TIPARP: variants seen among roughly 807,000 people sequenced by gnomAD.
TIPARP encodes protein mono-ADP-ribosyltransferase TIPARP.
In TIPARP, 12 loss-of-function variants were observed where a neutral mutation model predicts 56.5. That is an observed-to-expected ratio of 0.21 (90% CI 0.14 to 0.34). The LOEUF is 0.34. Ranked by LOEUF, TIPARP falls within the 10% of genes least tolerant of loss-of-function variation. The probability of loss-of-function intolerance (pLI) is 1.00; values close to 1 mark genes in which losing one functional copy is unlikely to be tolerated. For missense variants in TIPARP, 604 were observed against 781.6 expected, an observed-to-expected ratio of 0.77 and a Z score of 2.71; for synonymous variants, 296 against 265.7, an observed-to-expected ratio of 1.11 and a Z score of -1.11.
intron 2 of TIPARP, among the ~76,000 whole-genome samples, chr3:156,690,212 A>T (rs182447289): frequency 1.4e-3 from 218 of 152,184 alleles, no homozygotes; most frequent in Middle Eastern, 6.8e-3. Context: ...TCGTGTTCTT[A>T]CTATTTTCTG....
chr3:156,689,400 A>C (rs1272989554), intron 2 of TIPARP, among the ~76,000 whole-genome samples: 1 of 152,200 alleles, frequency 6.6e-6, no homozygotes, highest in Non-Finnish European at 1.5e-5. Context: ...TCTCTTGTGC[A>C]GTTCTAATAA....
intron 4 of TIPARP, among the ~76,000 whole-genome samples, chr3:156,701,006 C>T (rs1456626558): frequency 6.6e-6 from 1 of 152,192 alleles, no homozygotes. Flanking sequence ...TTTGTAACTG[C>T]GCTTGAAACA....
Position 156,704,688 on chromosome 3 carries a change from A to G in TIPARP, c.1531A>G (p.Lys511Glu). Residue 511 changes from lysine to glutamate, a missense_variant, in exon 6 of 6, where the codon AAG becomes GAG. Lys to Glu is a moderately conservative substitution (Grantham distance 56). Coordinates refer to ENST00000295924, the MANE Select transcript of TIPARP (RefSeq NM_015508.5). ...QFLWEKYKRK[K>E]EYMNRKMFGR... ...TCTGTCTGTTCTTTCCATTAGGAAA[A>G]AGGAATATATGAACAGGAAAATGTT... 6.2e-7 allele frequency: 1 copy of G among 1,610,662 alleles called. No individual in the cohort carries two copies. Among genetic ancestry groups the G allele is most frequent in the Non-Finnish European group, 8.5e-7 (1 of 1,177,884 alleles).
At chr3:156,681,122 C>T (rs771128944) in intron 2 of TIPARP, 1 of 456,370 alleles carries the variant, frequency 2.2e-6, no homozygotes, top group South Asian at 1.5e-5. Context: ...TGTTTCCTGG[C>T]AACAAGATGC....
chr3:156,676,380 C>T (rs1316248507), intron 1 of TIPARP, among the ~76,000 whole-genome samples: 2 of 152,232 alleles, frequency 1.3e-5, no homozygotes, highest in Admixed American at 1.3e-4. Flanking sequence ...ACTTCTTACA[C>T]ATAGATTTAT....
rs540990540 is a variant in TIPARP at position 156,692,747 on chromosome 3, T to C, written c.918-1273T>C. 3.3e-5 allele frequency among the ~76,000 whole-genome samples: 5 copies of C among 152,306 alleles called. No homozygotes were observed. In the East Asian group the frequency reaches 9.6e-4, roughly 29 times the overall value. ...TTGTATAATCTGTTTTTCAAATATT[T>C]GTCTGCAGAATCTTTTGTGCACAGA... is the stretch of plus-strand genomic sequence containing the variant. On this transcript the variant is annotated intron_variant, in intron 2 of 5. Coordinates refer to ENST00000295924, the MANE Select transcript of TIPARP (RefSeq NM_015508.5).
chr3:156,675,807 C>T (rs532051314), intron 1 of TIPARP: 1 of 152,260 alleles, frequency 6.6e-6, no homozygotes, highest in African/African-American at 2.4e-5. Flanking sequence ...TGTCGCCTGC[C>T]GCTGGAGACC....
intron 4 of TIPARP, among the ~76,000 whole-genome samples, chr3:156,702,940 G>GT (rs1722887379): frequency 6.6e-6 from 1 of 152,114 alleles, no homozygotes; most frequent in Non-Finnish European, 1.5e-5. Context: ...ATTTTTGTTT[G>GT]TTTTTATACA....
chr3:156,676,807 A>G (rs915955215), intron 1 of TIPARP: 1 of 148,922 alleles, frequency 6.7e-6, no homozygotes, highest in African/African-American at 2.5e-5. Context: ...TGTGTTTTAT[A>G]TTTTTTTTTT....
Position 156,704,895 on chromosome 3 carries a change from T to G in TIPARP, c.1738T>G (p.Ser580Ala). The G allele has an allele frequency of 6.2e-7, 1 of 1,614,186 alleles. No homozygotes were observed. Among genetic ancestry groups the G allele is most frequent in the Non-Finnish European group, 8.5e-7 (1 of 1,180,034 alleles). The stretch of plus-strand genomic sequence containing the variant: ...CTCTCATAACTTTTCTAAGAAGTCC[T>G]CCAAAGGAGTCCACTTCATGTTTCT... ...SYSHNFSKKSSKGVHFMFLAK... is the reference protein window; with the variant it reads ...SYSHNFSKKSAKGVHFMFLAK... The change falls in exon 6 of 6, where the codon TCC becomes GCC. Residue 580 changes from serine to alanine, a missense_variant. By Grantham distance (99) the Ser-to-Ala change is moderately conservative. Around this residue, in one of 4 missense-constraint regions of TIPARP, gnomAD observed 77 missense variants for 161.0 expected, o/e 0.48. Transcript: ENST00000295924.
intron 5 of TIPARP, 56 bp from the exon 6 acceptor site, chr3:156,704,628 T>G (rs999384259): frequency 2.0e-6 from 3 of 1,538,094 alleles, no homozygotes; most frequent in Non-Finnish European, 2.6e-6. Flanking sequence ...ACATCATGCC[T>G]GTTAAATTGA....
At chr3:156,679,437 CAT>C (rs1722235602) in intron 2 of TIPARP, among the ~76,000 whole-genome samples, 1 of 152,142 alleles carries the variant, frequency 6.6e-6, no homozygotes, top group Non-Finnish European at 1.5e-5. Flanking sequence ...ATAGTTGCCT[CAT>C]GTAAAGTTGC....
chr3:156,694,127 T>C lies in TIPARP; in HGVS notation c.1025T>C (p.Ile342Thr). Residue 342 changes from isoleucine (I) to threonine (T), a missense_variant, in exon 3 of 6, where the codon ATT becomes ACT. Ile to Thr is a moderately conservative substitution (Grantham distance 89). Around this residue, in one of 4 missense-constraint regions of TIPARP, gnomAD observed 252 missense variants for 303.9 expected, o/e 0.83. Coordinates refer to ENST00000295924, the MANE Select transcript of TIPARP (RefSeq NM_015508.5). ...STPPSSNVNS[I>T]YHTVWKFFCR... is the part of the protein sequence containing the mutation. ...CCACCCTCTAGCAATGTCAACTCTATTTACCACACAGTCTGGAAATTCTTC... is the reference window on the plus strand; with the variant it reads ...CCACCCTCTAGCAATGTCAACTCTACTTACCACACAGTCTGGAAATTCTTC... The C allele has an allele frequency of 6.2e-7, 1 of 1,613,476 alleles. No homozygotes were observed. The highest frequency in any genetic ancestry group is 8.5e-7 in the Non-Finnish European group (1 of 1,179,664).
In TIPARP at chr3:156,685,685, T is replaced by G. The variant is rs145798934; in HGVS notation, c.917+7071T>G. Among the ~76,000 whole-genome samples, 23 of 152,368 alleles carry G rather than the reference T, an allele frequency of 1.5e-4. No homozygotes were observed. The East Asian group carries it at 4.2e-3, about 28-fold the overall frequency. Reference sequence around the variant, plus strand: ...GAATTTCTCTTTATTACATTAGCTTTTCTTTTTGAATTAATTGAAGAATTC... The same window carrying G: ...GAATTTCTCTTTATTACATTAGCTTGTCTTTTTGAATTAATTGAAGAATTC... On this transcript the variant is annotated intron_variant, in intron 2 of 5. Transcript: ENST00000295924.
In TIPARP at chr3:156,704,831, G is replaced by A. The variant is rs1242403472; in HGVS notation, c.1674G>A (p.Met558Ile). ...DPRVCGKHATMFGQGSYFAKK... is the reference protein window; with the variant it reads ...DPRVCGKHATIFGQGSYFAKK... ...GAGTCTGTGGAAAGCATGCTACAAT[G>A]TTTGGACAAGGCAGTTATTTTGCAA... Residue 558 changes from methionine to isoleucine, a missense_variant, in exon 6 of 6, where the codon ATG (methionine) becomes ATA (isoleucine). This residue lies in a region of TIPARP where 77 missense variants were observed against 161.0 expected (regional missense o/e 0.48). Transcript: ENST00000295924. 6.2e-7 allele frequency: 1 copy of A among 1,614,206 alleles called. No homozygotes were observed. The highest frequency in any genetic ancestry group is 1.7e-5 in the Admixed American group (1 of 60,032).
At chr3:156,703,740 G>A (rs190157689) in intron 5 of TIPARP, 38 bp downstream of exon 5, 41 of 1,569,944 alleles carry the variant, frequency 2.6e-5, no homozygotes, top group South Asian at 2.0e-4. Flanking sequence ...ACGGCCGGGC[G>A]CAGTGGCTCA....
At position 156,674,780 on chromosome 3, in the gene TIPARP, C is replaced by CT. The variant is rs1363232493; in HGVS notation, c.-57dup. 1.3e-5 allele frequency: 2 copies of CT among 152,448 alleles called. No individual in the cohort carries two copies. Among genetic ancestry groups the CT allele is most frequent in the African/African-American group, 4.8e-5 (2 of 41,456 alleles). The allele number at this position is 152,448 out of a possible 1,614,324, so 9.4% of individuals were successfully genotyped here. On this transcript the variant is annotated 5_prime_UTR_variant, in exon 1 of 6. Coordinates refer to ENST00000295924, the MANE Select transcript of TIPARP (RefSeq NM_015508.5). ...CCACTCGGCTCCTGTCGTCCGTTCT[C>CT]TCAGGCTCCCGTTCAGGTAAAGGGC...
At chr3:156,703,796 G>C (rs915068586) in intron 5 of TIPARP, 94 bp downstream of exon 5, 2 of 1,308,752 alleles carry the variant, frequency 1.5e-6, no homozygotes, top group African/African-American at 1.5e-5. Context: ...GGCAGATTAC[G>C]AGGTCAGGAG....
In TIPARP at chr3:156,678,326, T is replaced by C; in HGVS notation, c.629T>C (p.Leu210Pro). Residue 210 changes from leucine to proline, a missense_variant, in exon 2 of 6, where the codon CTC (leucine) becomes CCC (proline). By Grantham distance (98) the Leu-to-Pro change is moderately conservative. This residue lies in a region of TIPARP where 261 missense variants were observed against 279.2 expected (regional missense o/e 0.93). Coordinates refer to ENST00000295924, the MANE Select transcript of TIPARP (RefSeq NM_015508.5). ...LDTSDKLSTE[L>P]FQDKSEEASL... ...ACCAGTGATAAGCTGAGTACTGAGC[T>C]CTTTCAGGACAAAAGTGAAGAGGCT... 1 of 1,614,218 alleles carries C rather than the reference T, an allele frequency of 6.2e-7. No individual in the cohort carries two copies. The highest frequency in any genetic ancestry group is 8.5e-7 in the Non-Finnish European group (1 of 1,180,030).
Sources: gnomAD v4.1 joint callset for allele counts (sites outside exome capture counted in the v4.1 genomes callset) on GRCh38, gnomAD v4.1.1 for gene constraint, gnomAD v4.1.1 regional missense constraint, MANE v1.5 for transcripts, NCBI Gene and HGNC (gene_info 2026-07-23, HGNC 2026-07-21) for gene names.